Variants in MAST4 observed in about 807,000 individuals in gnomAD.
MAST4 encodes the protein microtubule-associated serine/threonine-protein kinase 4.
A neutral mutation model predicts 162.7 loss-of-function variants in MAST4; 89 were observed. The observed-to-expected ratio is 0.55, with a 90% CI of 0.46 to 0.65. The LOEUF (loss-of-function observed/expected upper bound fraction) is 0.65. Among genes scored for constraint, MAST4 ranks in the 30% least tolerant of loss-of-function variants. MAST4 has a pLI of 0.00. For synonymous variants in MAST4, 1,479 were observed against 1,361.1 expected (o/e 1.09, Z -1.91); for missense variants, 3,153 against 3,374.0 (o/e 0.93, Z 1.62).
intron 4 of MAST4, among the ~76,000 whole-genome samples, chr5:67,040,329 G>A (rs543711749): frequency 1.3e-5 from 2 of 152,282 alleles, no homozygotes; most frequent in African/African-American, 2.4e-5. Flanking sequence ...GCTGTGTCTG[G>A]CTAGATCTGT....
chr5:66,892,637 G>T (rs1762432598), intron 3 of MAST4, among the ~76,000 whole-genome samples: 1 of 152,078 alleles, frequency 6.6e-6, no homozygotes, highest in African/African-American at 2.4e-5. Flanking sequence ...CCTCGTTAGG[G>T]GAAAGAGTGC....
chr5:66,993,466 C>A (rs1219959371), intron 4 of MAST4, among the ~76,000 whole-genome samples: 1 of 152,104 alleles, frequency 6.6e-6, no homozygotes, highest in East Asian at 1.9e-4. Context: ...AGTGGAATGA[C>A]TGGTAAAAAA....
intron 4 of MAST4, among the ~76,000 whole-genome samples, chr5:66,989,327 G>A (rs2150271929): frequency 6.6e-6 from 1 of 152,312 alleles, no homozygotes; most frequent in African/African-American, 2.4e-5. Context: ...CAGGAAGTCA[G>A]TTATTCTCAT....
intron 5 of MAST4, among the ~76,000 whole-genome samples, chr5:67,075,686 TC>T (rs1222406726): frequency 1.3e-5 from 2 of 152,132 alleles, no homozygotes; most frequent in Admixed American, 6.6e-5. Context: ...AGGGGAAAGG[TC>T]AAAATTTTGT....
intron 3 of MAST4, among the ~76,000 whole-genome samples, chr5:66,818,458 A>G (rs142294216): frequency 0.013 from 2,012 of 152,152 alleles, 23 homozygotes; most frequent in Middle Eastern, 0.034. Context: ...AGATTTCACT[A>G]TGGTCTGTGC....
intron 4 of MAST4, among the ~76,000 whole-genome samples, chr5:67,020,496 G>A (rs1252154478): frequency 1.3e-5 from 2 of 152,198 alleles, no homozygotes; most frequent in Non-Finnish European, 2.9e-5. Flanking sequence ...TTACCAGCAT[G>A]TTTAACGTCC....
At chr5:66,953,598 T>C (rs1043017548) in intron 4 of MAST4, among the ~76,000 whole-genome samples, 2 of 152,050 alleles carry the variant, frequency 1.3e-5, no homozygotes, top group African/African-American at 4.8e-5. Context: ...CAGAAGTATA[T>C]ACATACACTA....
At chr5:66,606,106 GCTT>G (rs1437875321) in intron 1 of MAST4, among the ~76,000 whole-genome samples, 1 of 152,076 alleles carries the variant, frequency 6.6e-6, no homozygotes, top group Non-Finnish European at 1.5e-5. Context: ...TCTTATTCTT[GCTT>G]CTTTTTTTCT....
chr5:67,102,424 T>C, intron 8 of MAST4, 112 bp from the exon 9 acceptor site: 2 of 940,586 alleles, frequency 2.1e-6, no homozygotes, highest in Admixed American at 3.6e-5. Context: ...TGATATACTT[T>C]TCTTACAAAG....
intron 1 of MAST4, among the ~76,000 whole-genome samples, chr5:66,716,804 C>G (rs1261599736): frequency 6.6e-6 from 1 of 152,140 alleles, no homozygotes; most frequent in Non-Finnish European, 1.5e-5. Flanking sequence ...TGGCTATCAC[C>G]TTGACTACAT....
At chr5:66,635,092 G>T (rs1390153547) in intron 1 of MAST4, among the ~76,000 whole-genome samples, 1 of 152,176 alleles carries the variant, frequency 6.6e-6, no homozygotes, top group African/African-American at 2.4e-5. Flanking sequence ...CATCATTCTT[G>T]TTAGCCTAGG....
chr5:66,970,468 C>A (rs1747297354), intron 4 of MAST4, among the ~76,000 whole-genome samples: 1 of 152,192 alleles, frequency 6.6e-6, no homozygotes, highest in South Asian at 2.1e-4. Context: ...AGATGGCAAG[C>A]AGAGCTTTTA....
At position 67,144,927 on chromosome 5, in the gene MAST4, A is replaced by G. The variant is rs144295741; in HGVS notation, c.2858+131A>G. 13 of 1,184,584 alleles carry G rather than the reference A, an allele frequency of 1.1e-5. No homozygotes were observed. In the East Asian group the frequency reaches 3.1e-4, roughly 28 times the overall value. 73.4% of individuals were successfully genotyped at this position (1,184,584 alleles called of 1,614,324 possible). On this transcript the variant is annotated intron_variant, in intron 22 of 28. Coordinates refer to ENST00000403625, the MANE Select transcript of MAST4 (RefSeq NM_001164664.2). Reference sequence around the variant, plus strand: ...CTCCCACTTCCAGAGTTTCTCATCCAGTAGATCTAGGGTAGGGCCTGAAAA... The same window carrying G: ...CTCCCACTTCCAGAGTTTCTCATCCGGTAGATCTAGGGTAGGGCCTGAAAA...
intron 3 of MAST4, among the ~76,000 whole-genome samples, chr5:66,830,811 A>T (rs1757547421): frequency 6.6e-6 from 1 of 152,226 alleles, no homozygotes; most frequent in Non-Finnish European, 1.5e-5. Flanking sequence ...AGAGTTCATA[A>T]GAGTAACGCC....
intron 4 of MAST4, among the ~76,000 whole-genome samples, chr5:67,024,508 A>G (rs1754407185): frequency 6.6e-6 from 1 of 151,804 alleles, no homozygotes; most frequent in Non-Finnish European, 1.5e-5. Context: ...TACACATTCA[A>G]AAGACTTTCA....
chr5:67,141,934 C>T (rs112147417), intron 19 of MAST4, among the ~76,000 whole-genome samples, 181 bp from the exon 20 acceptor site: 1,617 of 152,320 alleles, frequency 0.011, 41 homozygotes, highest in African/African-American at 0.037. Flanking sequence ...ATCAAATCTC[C>T]TACTGATAAA....
chr5:66,892,717 A>C (rs1426254122), intron 3 of MAST4, among the ~76,000 whole-genome samples: 1 of 152,138 alleles, frequency 6.6e-6, no homozygotes, highest in Non-Finnish European at 1.5e-5. Flanking sequence ...AGTTGCTCAC[A>C]TCACCACTGT....
chr5:66,729,408 T>G (rs1044520941), intron 1 of MAST4, among the ~76,000 whole-genome samples: 1 of 152,190 alleles, frequency 6.6e-6, no homozygotes, highest in African/African-American at 2.4e-5. Context: ...TGCCTTGAAA[T>G]TCTATATATT....
intron 1 of MAST4, among the ~76,000 whole-genome samples, chr5:66,632,691 T>G (rs1259227082): frequency 6.6e-6 from 1 of 152,208 alleles, no homozygotes. Flanking sequence ...TTATGGCTGA[T>G]GTAGATACTT....
Sources: gnomAD v4.1 joint callset for allele counts (sites outside exome capture counted in the v4.1 genomes callset) on GRCh38, gnomAD v4.1.1 for gene constraint, MANE v1.5 for transcripts, NCBI Gene and HGNC (gene_info 2026-07-23, HGNC 2026-07-21) for gene names.